The following SSH2 variants were observed in gnomAD, a reference collection of about 807,000 sequenced individuals.
The protein encoded by SSH2 is protein phosphatase Slingshot homolog 2.
In SSH2, 37 loss-of-function variants were observed where a neutral mutation model predicts 135.2. That is an observed-to-expected ratio of 0.27 (90% CI 0.21 to 0.36). The LOEUF (loss-of-function observed/expected upper bound fraction) is 0.36. SSH2 is among the 10% of genes least tolerant of loss of function. The pLI, the probability that SSH2 is intolerant of heterozygous loss-of-function variation, is 1.00. For missense variants in SSH2, 1,408 were observed against 1,765.3 expected (o/e 0.80, Z 3.63); for synonymous variants, 628 against 646.2 (o/e 0.97, Z 0.43).
At chr17:29,686,145 AGCCT>A (rs2038210510) in intron 5 of SSH2, among the ~76,000 whole-genome samples, 1 of 151,984 alleles carries the variant, frequency 6.6e-6, no homozygotes, top group South Asian at 2.1e-4. Context: ...CACCGCGCCC[AGCCT>A]TGATAAGTTC....
chr17:29,842,025 T>C (rs781556675), intron 2 of SSH2, among the ~76,000 whole-genome samples: 65 of 150,920 alleles, frequency 4.3e-4, no homozygotes, highest in Non-Finnish European at 6.2e-4. Context: ...TGCACCACTG[T>C]CCCCAGCCCA....
intron 2 of SSH2, among the ~76,000 whole-genome samples, chr17:29,826,484 C>T (rs999593877): frequency 1.3e-5 from 2 of 152,178 alleles, no homozygotes; most frequent in Non-Finnish European, 2.9e-5. Flanking sequence ...TGCAAGCAAT[C>T]TGACTCAAGA....
chr17:29,763,549 G>A, intron 3 of SSH2, among the ~76,000 whole-genome samples: 1 of 149,920 alleles, frequency 6.7e-6, no homozygotes, highest in East Asian at 2.0e-4. Context: ...GGTGAGTCCA[G>A]TTCCTTTCAT....
intron 1 of SSH2, among the ~76,000 whole-genome samples, chr17:29,915,350 G>A (rs541062346): frequency 2.6e-5 from 4 of 152,250 alleles, no homozygotes; most frequent in African/African-American, 4.8e-5. Flanking sequence ...CCAACTGCTC[G>A]TAATAGCTGG....
At chr17:29,841,918 GAGACAGAGTTTTGCTTTGTTGCCC>G (rs1677844650) in intron 2 of SSH2, among the ~76,000 whole-genome samples, 3 of 55,346 alleles carry the variant, frequency 5.4e-5, no homozygotes, top group South Asian at 1.4e-3. Context: ...TTTTTTTGTA[GAGACAGAGTTTTGCTTTGTTGCCC>G]AGGCTGGTCT....
At chr17:29,770,610 C>A (rs546489887) in intron 3 of SSH2, among the ~76,000 whole-genome samples, 19 of 151,936 alleles carry the variant, frequency 1.3e-4, no homozygotes, top group Non-Finnish European at 2.5e-4. Flanking sequence ...GTAGCTGGGA[C>A]TACAGGTGTG....
intron 12 of SSH2, among the ~76,000 whole-genome samples, chr17:29,651,314 CT>C (rs2036569518): frequency 6.6e-6 from 1 of 152,184 alleles, no homozygotes; most frequent in Non-Finnish European, 1.5e-5. Flanking sequence ...TGTGCAATTA[CT>C]CTCTCTAAAC....
intron 3 of SSH2, among the ~76,000 whole-genome samples, chr17:29,740,345 T>C (rs2040513099): frequency 6.6e-6 from 1 of 152,158 alleles, no homozygotes; most frequent in African/African-American, 2.4e-5. Context: ...TAAGGAAGCA[T>C]CGCAGTCTCA....
At chr17:29,911,552 T>A (rs547011596) in intron 1 of SSH2, among the ~76,000 whole-genome samples, 1 of 152,202 alleles carries the variant, frequency 6.6e-6, no homozygotes, top group Non-Finnish European at 1.5e-5. Flanking sequence ...AGAGACAGGA[T>A]TCCAACTTAG....
At chr17:29,817,470 C>T (rs1430255045) in intron 2 of SSH2, among the ~76,000 whole-genome samples, 1 of 152,232 alleles carries the variant, frequency 6.6e-6, no homozygotes, top group Non-Finnish European at 1.5e-5. Flanking sequence ...ACAATCCTTT[C>T]CTTCTGCCAT....
intron 1 of SSH2, among the ~76,000 whole-genome samples, chr17:29,907,735 CTTACTT>C (rs1405188409): frequency 6.6e-6 from 1 of 151,882 alleles, no homozygotes; most frequent in Non-Finnish European, 1.5e-5. Flanking sequence ...TAAAAGTGTT[CTTACTT>C]TTAAAGACTC....
At chr17:29,685,454 C>T (rs1289485190) in intron 5 of SSH2, among the ~76,000 whole-genome samples, 4 of 152,002 alleles carry the variant, frequency 2.6e-5, no homozygotes, top group Admixed American at 2.6e-4. Flanking sequence ...GGAGTGGGGA[C>T]AGATGAAAGA....
At chr17:29,913,732 T>C (rs1335758360) in intron 1 of SSH2, among the ~76,000 whole-genome samples, 1 of 151,806 alleles carries the variant, frequency 6.6e-6, no homozygotes. Flanking sequence ...CCTCCTGGGT[T>C]CAAGTGATTC....
At chr17:29,754,797 G>T (rs1598942022) in intron 3 of SSH2, among the ~76,000 whole-genome samples, 1 of 152,090 alleles carries the variant, frequency 6.6e-6, no homozygotes, top group Non-Finnish European at 1.5e-5. Flanking sequence ...CTCCCAAGTA[G>T]CTGGCACTAC....
intron 6 of SSH2, 119 bp from the exon 7 acceptor site, chr17:29,677,860 T>G: frequency 1.4e-6 from 1 of 739,174 alleles, no homozygotes; most frequent in Non-Finnish European, 2.3e-6. Flanking sequence ...GGCATAAGTG[T>G]TACAATGAAG....
At chr17:29,709,015 TAGAGAGAGAGAGAG>T (rs58190730) in intron 3 of SSH2, among the ~76,000 whole-genome samples, 3 of 81,588 alleles carry the variant, frequency 3.7e-5, no homozygotes, top group African/African-American at 1.2e-4. Flanking sequence ...TATATATATA[TAGAGAGAGAGAGAG>T]AGAGAGAGAG....
chr17:29,685,477 G>C (rs1410974455), intron 5 of SSH2, among the ~76,000 whole-genome samples: 24 of 152,048 alleles, frequency 1.6e-4, no homozygotes, highest in Admixed American at 1.6e-3. Flanking sequence ...TCAGACAAAA[G>C]GTTGATGGTT....
chr17:29,631,592 A>T lies in SSH2; in HGVS notation c.3602T>A (p.Val1201Glu). Residue 1201 changes from valine (V) to glutamate (E), a missense_variant, in exon 16 of 16, where the codon GTG becomes GAG. Transcript: ENST00000540801. ...QESPLSSGSEVPYKDSQLSSA... is the reference protein window; with the variant it reads ...QESPLSSGSEEPYKDSQLSSA... ...ACTTAGCTGGGAGTCCTTATATGGC[A>T]CCTCACTGCCACTGGAGAGAGGGCT... 1 of 1,614,056 alleles carries T rather than the reference A, an allele frequency of 6.2e-7. No individual in the cohort carries two copies. The highest frequency in any genetic ancestry group is 1.1e-5 in the South Asian group (1 of 91,072).
chr17:29,920,060 C>T (rs2066949098), intron 1 of SSH2, among the ~76,000 whole-genome samples: 2 of 152,186 alleles, frequency 1.3e-5, no homozygotes, highest in Admixed American at 1.3e-4. Flanking sequence ...GCATGCGCCA[C>T]CACACTCAGC....
Sources: allele counts gnomAD v4.1 joint callset (sites outside exome capture counted in the v4.1 genomes callset), GRCh38; gene constraint gnomAD v4.1.1; transcripts MANE v1.5; gene names NCBI Gene and HGNC (gene_info 2026-07-23, HGNC 2026-07-21).